Variants in EFCAB14 observed in about 807,000 individuals in gnomAD.
EFCAB14 encodes EF-hand calcium-binding domain-containing protein 14.
EFCAB14 carries 43 observed loss-of-function variants against 56.5 expected under a neutral mutation model. That is an observed-to-expected ratio of 0.76 (90% CI 0.60 to 0.98). The LOEUF (loss-of-function observed/expected upper bound fraction) is 0.98. Among genes scored for constraint, EFCAB14 ranks in the 50% least tolerant of loss-of-function variants. The pLI is 0.00. For synonymous variants in EFCAB14, 235 were observed against 212.9 expected (o/e 1.10, Z -0.90); for missense variants, 538 against 580.3 (o/e 0.93, Z 0.75).
At chr1:46,695,789 C>T (rs1677070509) in intron 4 of EFCAB14, among the ~76,000 whole-genome samples, 1 of 152,162 alleles carries the variant, frequency 6.6e-6, no homozygotes, top group African/African-American at 2.4e-5. Context: ...AAGTGATCTT[C>T]CTACTTCAGC....
At chr1:46,707,810 T>C (rs1677254539) in intron 3 of EFCAB14, 96 bp downstream of exon 3, 6 of 1,262,006 alleles carry the variant, frequency 4.8e-6, no homozygotes, top group Non-Finnish European at 6.4e-6. Context: ...CAAACTGAAA[T>C]GAATTCCCTA....
At chr1:46,702,722 CTT>C (rs908042999) in intron 3 of EFCAB14, among the ~76,000 whole-genome samples, 5 of 152,150 alleles carry the variant, frequency 3.3e-5, no homozygotes, top group African/African-American at 1.2e-4. Flanking sequence ...TATCATCATG[CTT>C]AAGGCTTAGA....
At chr1:46,682,821 C>T (rs1368364208) in intron 10 of EFCAB14, among the ~76,000 whole-genome samples, 5 of 152,176 alleles carry the variant, frequency 3.3e-5, no homozygotes, top group African/African-American at 1.2e-4. Context: ...GTCAGGAGTT[C>T]AAGACCAGCC....
At chr1:46,695,854 A>T (rs1677071240) in intron 4 of EFCAB14, among the ~76,000 whole-genome samples, 1 of 151,978 alleles carries the variant, frequency 6.6e-6, no homozygotes, top group African/African-American at 2.4e-5. Flanking sequence ...TAACTTTAAA[A>T]TTTTTTGTAA....
At chr1:46,695,161 A>C (rs571240703) in intron 4 of EFCAB14, among the ~76,000 whole-genome samples, 1 of 152,254 alleles carries the variant, frequency 6.6e-6, no homozygotes, top group Non-Finnish European at 1.5e-5. Flanking sequence ...CATGGCACAT[A>C]TATACATACG....
At chr1:46,688,916 A>G (rs17102440) in intron 6 of EFCAB14, among the ~76,000 whole-genome samples, 157 of 152,360 alleles carry the variant, frequency 1.0e-3, no homozygotes, top group African/African-American at 3.7e-3. Context: ...AACCTACCTC[A>G]GGAACAATAC....
At chr1:46,678,741 G>A (rs1019011777) in intron 10 of EFCAB14, 105 bp from the exon 11 acceptor site, 8 of 1,058,348 alleles carry the variant, frequency 7.6e-6, no homozygotes, top group East Asian at 3.1e-5. Context: ...AAGCTACTCC[G>A]CAAATTTTGT....
chr1:46,716,205 C>G (rs539441134), intron 2 of EFCAB14, 90 bp downstream of exon 2: 1 of 1,373,888 alleles, frequency 7.3e-7, no homozygotes, highest in Non-Finnish European at 9.6e-7. Flanking sequence ...GCCGAGATTG[C>G]GCCACTGTAC....
chr1:46,686,383 C>T (rs1676881722), intron 8 of EFCAB14, among the ~76,000 whole-genome samples: 1 of 152,154 alleles, frequency 6.6e-6, no homozygotes, highest in Admixed American at 6.5e-5. Flanking sequence ...AGATAACTTA[C>T]TGTCTTAGTG....
chr1:46,679,138 ATTTC>A (rs1676746122), intron 10 of EFCAB14, among the ~76,000 whole-genome samples: 2 of 152,248 alleles, frequency 1.3e-5, no homozygotes, highest in South Asian at 4.2e-4. Context: ...ATATTGTGAG[ATTTC>A]TTGTTGGATG....
chr1:46,700,884 A>C (rs952018536), intron 3 of EFCAB14, among the ~76,000 whole-genome samples: 1 of 152,034 alleles, frequency 6.6e-6, no homozygotes, highest in Admixed American at 6.6e-5. Context: ...CATACTAAAA[A>C]CTATTATGAT....
At chr1:46,693,502 C>T (rs1205478558) in intron 4 of EFCAB14, among the ~76,000 whole-genome samples, 1 of 152,170 alleles carries the variant, frequency 6.6e-6, no homozygotes, top group Non-Finnish European at 1.5e-5. Context: ...AGACAACACA[C>T]TGGGTAAAAG....
At chr1:46,705,226 T>C (rs1470417676) in intron 3 of EFCAB14, among the ~76,000 whole-genome samples, 1 of 152,244 alleles carries the variant, frequency 6.6e-6, no homozygotes, top group Non-Finnish European at 1.5e-5. Flanking sequence ...CCATCACCAA[T>C]GCTCTGGGCC....
intron 10 of EFCAB14, among the ~76,000 whole-genome samples, chr1:46,682,514 G>A (rs542679870): frequency 6.6e-6 from 1 of 152,288 alleles, no homozygotes; most frequent in South Asian, 2.1e-4. Context: ...GGAGGGCCCT[G>A]ACAAACAGGG....
intron 3 of EFCAB14, among the ~76,000 whole-genome samples, chr1:46,704,460 C>T (rs1300425457): frequency 8.3e-6 from 1 of 120,542 alleles, no homozygotes; most frequent in Non-Finnish European, 1.6e-5. Context: ...CTGGGTGACA[C>T]AGTGAGATTG....
chr1:46,704,067 T>C (rs1239102343), intron 3 of EFCAB14, among the ~76,000 whole-genome samples: 2 of 152,208 alleles, frequency 1.3e-5, no homozygotes, highest in East Asian at 1.9e-4. Flanking sequence ...TACTTAAAAA[T>C]GCCCTCACAA....
chr1:46,678,569 C>T lies in EFCAB14; in HGVS notation c.1380G>A (p.Trp460Ter). Reference protein sequence around the residue: ...VDGKLTYQEIWTSLGSAMPEP... With the variant: ...VDGKLTYQEI ...CTGGCATAGCAGAACCTAGGGAGGTCCAGATTTCCTGGTAGGTCAGCTTCC... is the reference window on the plus strand; with the variant it reads ...CTGGCATAGCAGAACCTAGGGAGGTTCAGATTTCCTGGTAGGTCAGCTTCC... Residue 460 changes from tryptophan (W) to a stop codon, truncating the protein, a stop_gained, in exon 11 of 11, where the codon TGG (tryptophan) becomes TGA (stop). Transcript: ENST00000371933. LOFTEE classifies it high-confidence loss of function. 6.2e-7 allele frequency: 1 copy of T among 1,614,076 alleles called. No homozygotes were observed.
In EFCAB14 at chr1:46,689,695, T is replaced by A; in HGVS notation, c.691-4A>T. On this transcript the variant is annotated splice_region_variant and splice_polypyrimidine_tract_variant and intron_variant, in intron 5 of 10. Transcript: ENST00000371933. ...TCTCCTTCAAGAAGTGCTGATTCTG[T>A]TAAGAGGAAAGAAGTTTAGTGTAGG... 1 of 1,613,244 alleles carries A rather than the reference T, an allele frequency of 6.2e-7. No individual in the cohort carries two copies. Among genetic ancestry groups the A allele is most frequent in the Non-Finnish European group, 8.5e-7 (1 of 1,179,446 alleles).
Position 46,718,437 on chromosome 1 carries a change from G to T in EFCAB14, c.-350C>A, listed in dbSNP as rs187661176. 1 of 179,114 alleles carries T rather than the reference G, an allele frequency of 5.6e-6. No individual in the cohort carries two copies. Among genetic ancestry groups the T allele is most frequent in the African/African-American group, 2.3e-5 (1 of 42,618 alleles). The allele number at this position is 179,114 out of a possible 1,614,324, so 11.1% of individuals were successfully genotyped here. The stretch of plus-strand genomic sequence containing the variant: ...CCAGGTCAAAAATGAAGGATTCTCA[G>T]CCCGGATAAGTAGGCAATACTTCTA... On this transcript the variant is annotated 5_prime_UTR_variant, in exon 1 of 11. It adds an upstream start codon to the 5' untranslated region. Transcript: ENST00000371933.
Sources: allele counts gnomAD v4.1 joint callset (sites outside exome capture counted in the v4.1 genomes callset), GRCh38; gene constraint gnomAD v4.1.1; transcripts MANE v1.5; gene names NCBI Gene and HGNC (gene_info 2026-07-23, HGNC 2026-07-21).